NFASC: variants seen among roughly 807,000 people sequenced by gnomAD.
NFASC encodes neurofascin homolog.
NFASC carries 43 observed loss-of-function variants against 147.5 expected under a neutral mutation model. The ratio of observed to expected loss-of-function variants is 0.29; its 90% CI spans 0.23 to 0.38. The LOEUF is 0.38. Among genes scored for constraint, NFASC ranks in the 10% least tolerant of loss-of-function variants. NFASC has a pLI of 1.00. For missense variants in NFASC, 1,320 were observed against 1,689.0 expected (o/e 0.78, Z 3.83); for synonymous variants, 622 against 665.5 (o/e 0.93, Z 1.01).
intron 1 of NFASC, among the ~76,000 whole-genome samples, chr1:204,861,494 A>G (rs2076668524): frequency 6.6e-6 from 1 of 151,534 alleles, no homozygotes; most frequent in African/African-American, 2.4e-5. Flanking sequence ...GACTCATCTC[A>G]CTTCTTTTTT....
intron 2 of NFASC, among the ~76,000 whole-genome samples, chr1:204,934,191 G>T (rs1265535921): frequency 6.6e-6 from 1 of 151,602 alleles, no homozygotes; most frequent in Non-Finnish European, 1.5e-5. Flanking sequence ...CTCTGCTGAG[G>T]CAGAGAGCCA....
intron 3 of NFASC, among the ~76,000 whole-genome samples, chr1:204,949,740 C>A (rs2093988386): frequency 6.6e-6 from 1 of 152,188 alleles, no homozygotes; most frequent in Non-Finnish European, 1.5e-5. Flanking sequence ...GCATTTTAAC[C>A]AGCCCCCAGG....
chr1:204,890,702 TGGAATTACA>T (rs2082214289), intron 1 of NFASC, among the ~76,000 whole-genome samples: 1 of 152,134 alleles, frequency 6.6e-6, no homozygotes, highest in South Asian at 2.1e-4. Flanking sequence ...CCCGAGTGGC[TGGAATTACA>T]GGCGCCCACC....
intron 2 of NFASC, among the ~76,000 whole-genome samples, chr1:204,926,402 ATATATTTTTTTTTTTTTT>A (rs1247680311): frequency 1.6e-3 from 17 of 10,764 alleles, no homozygotes; most frequent in East Asian, 2.9e-3. Flanking sequence ...ATATATATAT[ATATATTTTTTTTTTTTTT>A]TTTTTTTTTT....
At chr1:204,923,382 C>G (rs2090898870) in intron 2 of NFASC, among the ~76,000 whole-genome samples, 2 of 152,236 alleles carry the variant, frequency 1.3e-5, no homozygotes, top group Admixed American at 1.3e-4. Flanking sequence ...CTTCGTCTCT[C>G]CCCTTCCCTC....
chr1:205,015,907 C>T lies in NFASC; in HGVS notation c.3492-401C>T, dbSNP rs1252337493. Among the ~76,000 whole-genome samples, 1 of 152,056 alleles carries T rather than the reference C, an allele frequency of 6.6e-6. No homozygotes were observed. Among genetic ancestry groups the T allele is most frequent in the African/African-American group, 2.4e-5 (1 of 41,386 alleles). ...CCCCTCTTGATGGACAGACTGAGGC[C>T]CAGGTCACAAAACCACACAGTGACA... On this transcript the variant is annotated intron_variant, in intron 29 of 29. Transcript: ENST00000339876. The surrounding 1 kb of genome is among the most constrained non-coding windows in gnomAD (Gnocchi z 4.0).
chr1:204,950,477 G>A lies in NFASC; in HGVS notation c.92-80G>A, dbSNP rs148835828. 135 of 1,332,432 alleles carry A rather than the reference G, an allele frequency of 1.0e-4. No homozygotes were observed. The African/African-American group carries it at 1.6e-3, about 16-fold the overall frequency. The allele number at this position is 1,332,432 out of a possible 1,614,324, so 82.5% of individuals were successfully genotyped here. ...CCGCCCACTCCCTGTGTGCTGGGGCGTGAGGATGCCTGGGCGGTTGTGTGC... is the reference window on the plus strand; with the variant it reads ...CCGCCCACTCCCTGTGTGCTGGGGCATGAGGATGCCTGGGCGGTTGTGTGC... On this transcript the variant is annotated intron_variant, in intron 3 of 29. Transcript: ENST00000339876.
Position 204,954,614 on chromosome 1 carries a change from C to T in NFASC, c.413-215C>T, listed in dbSNP as rs1434723806. The stretch of plus-strand genomic sequence containing the variant: ...CACTGGCCACTGCGGGCACAGGAGA[C>T]GGGAAAGGAGGGGAGCCTTGAAGAT... On this transcript the variant is annotated intron_variant, in intron 6 of 29. Transcript: ENST00000339876. The surrounding 1 kb of genome is among the most constrained non-coding windows in gnomAD (Gnocchi z 5.7). Among the ~76,000 whole-genome samples the T allele has an allele frequency of 1.3e-5, 2 of 152,172 alleles. No individual in the cohort carries two copies. The highest frequency in any genetic ancestry group is 4.8e-5 in the African/African-American group (2 of 41,448).
At chr1:204,974,149 C>T (rs757561757) in intron 12 of NFASC, 30 bp from the exon 13 acceptor site, 29 of 1,567,104 alleles carry the variant, frequency 1.9e-5, no homozygotes, top group South Asian at 4.5e-5. Context: ...TTAGACTTGG[C>T]ACTCGAGATT....
At chr1:204,925,372 A>G (rs2091306147) in intron 2 of NFASC, among the ~76,000 whole-genome samples, 1 of 152,202 alleles carries the variant, frequency 6.6e-6, no homozygotes, top group South Asian at 2.1e-4. Flanking sequence ...AGGGAAACTC[A>G]GGTGTGTGTG....
At chr1:204,865,584 A>T (rs1174666588) in intron 1 of NFASC, among the ~76,000 whole-genome samples, 2 of 152,230 alleles carry the variant, frequency 1.3e-5, no homozygotes, top group Non-Finnish European at 2.9e-5. Context: ...TCAGTTGACC[A>T]TAGAAATATG....
chr1:204,962,255 C>G, intron 8 of NFASC: 1 of 1,052,862 alleles, frequency 9.5e-7, no homozygotes, highest in Non-Finnish European at 1.5e-6. Flanking sequence ...TGCTGGGTGG[C>G]AGCTGGCCCA....
At chr1:205,014,633 A>C (rs2096313204) in intron 29 of NFASC, among the ~76,000 whole-genome samples, 1 of 151,928 alleles carries the variant, frequency 6.6e-6, no homozygotes, top group Non-Finnish European at 1.5e-5. Flanking sequence ...CCCTTAGGAG[A>C]GGTCTGTTCG....
intron 1 of NFASC, among the ~76,000 whole-genome samples, chr1:204,908,990 A>G (rs1327589388): frequency 6.6e-6 from 1 of 152,204 alleles, no homozygotes; most frequent in African/African-American, 2.4e-5. Context: ...ACTCATTGAA[A>G]GACACCTGGA....
At position 204,898,672 on chromosome 1, in the gene NFASC, G is replaced by A. The variant is rs569762368; in HGVS notation, c.-199-21960G>A. 6.4e-4 allele frequency among the ~76,000 whole-genome samples: 97 copies of A among 152,242 alleles called. 2 individuals carry two copies. The South Asian group carries it at 0.019, about 30-fold the overall frequency. ...TGGGCCAAAAGGCAGGCGGGGAGACGGGGGAGCAGAGACCCAGTGCAGCCT... is the reference window on the plus strand; with the variant it reads ...TGGGCCAAAAGGCAGGCGGGGAGACAGGGGAGCAGAGACCCAGTGCAGCCT... On this transcript the variant is annotated intron_variant, in intron 1 of 29. Coordinates refer to ENST00000339876, the MANE Select transcript of NFASC (RefSeq NM_001005388.3).
intron 2 of NFASC, among the ~76,000 whole-genome samples, chr1:204,934,137 CAAAAAAAA>C (rs10633193): frequency 4.4e-5 from 5 of 113,542 alleles, no homozygotes; most frequent in Non-Finnish European, 8.7e-5. Context: ...GACTCCATTT[CAAAAAAAA>C]AAAAAAAAAC....
At chr1:204,850,026 G>A (rs1374107857) in intron 1 of NFASC, among the ~76,000 whole-genome samples, 2 of 152,228 alleles carry the variant, frequency 1.3e-5, no homozygotes, top group East Asian at 3.9e-4. Context: ...GTTTCCTGCA[G>A]TGGGCTCTGG....
At chr1:204,944,549 G>T (rs2093585881) in intron 3 of NFASC, 143 bp downstream of exon 3, 3 of 721,294 alleles carry the variant, frequency 4.2e-6, no homozygotes, top group Non-Finnish European at 6.7e-6. Flanking sequence ...TCAGAGCTGG[G>T]TTTCTCTCCA....
rs1558549041 is a variant in NFASC at position 204,877,029 on chromosome 1, ATATATATTTATATATATAT to A, written c.-199-43602_-199-43584del. Among the ~76,000 whole-genome samples the A allele has an allele frequency of 9.6e-5, 8 of 83,068 alleles. 2 individuals are homozygous for A. Among genetic ancestry groups the A allele is most frequent in the African/African-American group, 4.4e-4 (6 of 13,780 alleles). 54.5% of individuals were successfully genotyped at this position (83,068 alleles called of 152,430 possible). The stretch of plus-strand genomic sequence containing the variant: ...ATATATATATATATATATATATATA[ATATATATTTATATATATAT>A]AATATATTTATTTATATATTTATAT... On this transcript the variant is annotated intron_variant, in intron 1 of 29. Coordinates refer to ENST00000339876, the MANE Select transcript of NFASC (RefSeq NM_001005388.3).
Sources: allele counts gnomAD v4.1 joint callset (sites outside exome capture counted in the v4.1 genomes callset), GRCh38; gene constraint gnomAD v4.1.1; non-coding constraint Gnocchi (gnomAD v3.1); transcripts MANE v1.5; gene names NCBI Gene and HGNC (gene_info 2026-07-23, HGNC 2026-07-21).